The following TATDN1 variants were observed in gnomAD, a reference collection of about 807,000 sequenced individuals.
The protein encoded by TATDN1 is deoxyribonuclease TATDN1.
A neutral mutation model predicts 46.4 loss-of-function variants in TATDN1; 40 were observed. That is an observed-to-expected ratio of 0.86 (90% CI 0.67 to 1.12). TATDN1 has a LOEUF of 1.12. TATDN1 is among the 50% of genes most tolerant of loss of function. The probability of loss-of-function intolerance (pLI) is 0.00; values close to 1 mark genes in which losing one functional copy is unlikely to be tolerated. For synonymous variants in TATDN1, 95 were observed against 105.6 expected, an observed-to-expected ratio of 0.90 and a Z score of 0.62; for missense variants, 326 against 348.4, an observed-to-expected ratio of 0.94 and a Z score of 0.51.
At chr8:124,509,382 A>G (rs757300641) in intron 6 of TATDN1, among the ~76,000 whole-genome samples, 1 of 152,206 alleles carries the variant, frequency 6.6e-6, no homozygotes, top group Non-Finnish European at 1.5e-5. Flanking sequence ...GTCCCAGCCT[A>G]AACGACAAAA....
chr8:124,514,606 C>G (rs1453817933), intron 6 of TATDN1, among the ~76,000 whole-genome samples: 1 of 152,142 alleles, frequency 6.6e-6, no homozygotes, highest in Non-Finnish European at 1.5e-5. Context: ...ATAAATTAAC[C>G]CCCTTTAGAA....
intron 11 of TATDN1, chr8:124,490,252 G>A (rs1308816498): frequency 3.3e-5 from 5 of 152,180 alleles, no homozygotes; most frequent in African/African-American, 9.7e-5. Context: ...AGTGGCTCAT[G>A]CCTGTAATCA....
chr8:124,498,700 G>T (rs1360027330), intron 9 of TATDN1, among the ~76,000 whole-genome samples: 1 of 152,092 alleles, frequency 6.6e-6, no homozygotes, highest in Non-Finnish European at 1.5e-5. Flanking sequence ...ACCTGGGCTG[G>T]AGTGCAATGG....
chr8:124,493,007 C>A (rs1353273086), intron 11 of TATDN1, among the ~76,000 whole-genome samples: 1 of 152,034 alleles, frequency 6.6e-6, no homozygotes, highest in Non-Finnish European at 1.5e-5. Context: ...AGGAAAAGAA[C>A]CTTTCAAACA....
intron 1 of TATDN1, among the ~76,000 whole-genome samples, chr8:124,535,418 A>C (rs565968973): frequency 6.6e-6 from 1 of 152,356 alleles, no homozygotes; most frequent in African/African-American, 2.4e-5. Context: ...TGATTCAAAA[A>C]TTTAAGGAAC....
Position 124,532,085 on chromosome 8 carries a change from GGGA to G in TATDN1, c.22+6937_22+6939del, listed in dbSNP as rs558567492. The stretch of plus-strand genomic sequence containing the variant: ...GCAAGGAAGAAGGAAGAGCAAGGGG[GGGA>G]GGAGGAGGAGGAGGAGGAGGAGTGG... On this transcript the variant is annotated intron_variant, in intron 1 of 11. Transcript: ENST00000276692. Among the ~76,000 whole-genome samples the G allele has an allele frequency of 5.8e-3, 885 of 151,840 alleles. 12 individuals carry two copies. Among genetic ancestry groups the G allele is most frequent in the South Asian group, 0.023 (110 of 4,814 alleles).
At chr8:124,535,224 AT>A (rs937064519) in intron 1 of TATDN1, among the ~76,000 whole-genome samples, 1 of 152,212 alleles carries the variant, frequency 6.6e-6, no homozygotes, top group Non-Finnish European at 1.5e-5. Flanking sequence ...CACTTAGGAG[AT>A]TCCAAGGGTT....
chr8:124,495,712 A>G (rs748375100), intron 9 of TATDN1, among the ~76,000 whole-genome samples, 170 bp from the exon 10 acceptor site: 1 of 152,234 alleles, frequency 6.6e-6, no homozygotes, highest in Non-Finnish European at 1.5e-5. Flanking sequence ...AATCCAGATT[A>G]ACATCTATTT....
chr8:124,498,070 T>C lies in TATDN1; in HGVS notation c.594-2528A>G, dbSNP rs1372527291. Among the ~76,000 whole-genome samples the C allele has an allele frequency of 1.4e-4, 21 of 152,210 alleles. 1 individual carries two copies. Among genetic ancestry groups the C allele is most frequent in the Admixed American group, 1.4e-3 (21 of 15,284 alleles). On this transcript the variant is annotated intron_variant, in intron 9 of 11. Transcript: ENST00000276692. ...CCACTATGTTGGGTCGCACTGGGGTTAGTTTTTCTATTTATCTTGGCCTTT... is the reference window on the plus strand; with the variant it reads ...CCACTATGTTGGGTCGCACTGGGGTCAGTTTTTCTATTTATCTTGGCCTTT...
intron 11 of TATDN1, chr8:124,489,961 T>C (rs1177441117): frequency 1.3e-5 from 2 of 152,270 alleles, no homozygotes; most frequent in Non-Finnish European, 2.9e-5. Context: ...CACAAAAGCC[T>C]TGCTTGATGT....
intron 1 of TATDN1, among the ~76,000 whole-genome samples, chr8:124,534,366 C>T (rs999595267): frequency 2.0e-5 from 3 of 152,248 alleles, no homozygotes; most frequent in Admixed American, 6.5e-5. Context: ...TGGAACATAG[C>T]CACACCTATT....
chr8:124,522,071 T>G, intron 3 of TATDN1, 80 bp downstream of exon 3: 1 of 986,088 alleles, frequency 1.0e-6, no homozygotes, highest in Non-Finnish European at 1.6e-6. Flanking sequence ...GTTTGTTCCT[T>G]TCTATTCTGC....
At chr8:124,490,229 T>C (rs183843913) in intron 11 of TATDN1, 2 of 152,308 alleles carry the variant, frequency 1.3e-5, no homozygotes, top group East Asian at 3.9e-4. Flanking sequence ...AAGAAATCTA[T>C]TGGGCTGGGC....
intron 3 of TATDN1, among the ~76,000 whole-genome samples, chr8:124,520,258 G>A (rs376894010): frequency 1.8e-4 from 28 of 152,060 alleles, no homozygotes; most frequent in Admixed American, 5.9e-4. Flanking sequence ...CCAACATGGC[G>A]AAACCCCGTC....
chr8:124,500,166 A>G (rs556761669), intron 9 of TATDN1, among the ~76,000 whole-genome samples: 3 of 152,272 alleles, frequency 2.0e-5, no homozygotes, highest in Admixed American at 6.5e-5. Context: ...CTTGGGGGAA[A>G]AATTCTAATT....
chr8:124,503,053 C>T (rs1000221315), intron 9 of TATDN1, among the ~76,000 whole-genome samples: 3 of 152,134 alleles, frequency 2.0e-5, no homozygotes, highest in African/African-American at 2.4e-5. Context: ...TCATACTTGG[C>T]ATAGCACTGT....
At chr8:124,522,117 T>C (rs1177755211) in intron 3 of TATDN1, 34 bp downstream of exon 3, 3 of 1,506,628 alleles carry the variant, frequency 2.0e-6, no homozygotes, top group Non-Finnish European at 2.7e-6. Context: ...AAAATGAATT[T>C]TAAAAATCTC....
intron 3 of TATDN1, among the ~76,000 whole-genome samples, chr8:124,521,122 G>C (rs181195789): frequency 3.3e-5 from 5 of 152,158 alleles, no homozygotes; most frequent in Admixed American, 3.3e-4. Context: ...TCATTTTACA[G>C]ATGAGAAAAC....
chr8:124,496,803 G>C (rs1464909394), intron 9 of TATDN1, among the ~76,000 whole-genome samples: 1 of 152,144 alleles, frequency 6.6e-6, no homozygotes, highest in Non-Finnish European at 1.5e-5. Flanking sequence ...CATTAAATTA[G>C]GTAATATGGA....
Sources: allele counts gnomAD v4.1 joint callset (sites outside exome capture counted in the v4.1 genomes callset), GRCh38; gene constraint gnomAD v4.1.1; transcripts MANE v1.5; gene names NCBI Gene and HGNC (gene_info 2026-07-23, HGNC 2026-07-21).